SH3BGR: variants seen among roughly 807,000 people sequenced by gnomAD.
The protein encoded by SH3BGR is SH3 domain binding glutamate rich protein.
In SH3BGR, 29 loss-of-function variants were observed where a neutral mutation model predicts 24.5. That is an observed-to-expected ratio of 1.18 (90% CI 0.88 to 1.61). The LOEUF is 1.61. SH3BGR is among the 40% of genes most tolerant of loss of function. SH3BGR has a pLI of 0.00. For synonymous variants in SH3BGR, 55 were observed against 65.7 expected (o/e 0.84, Z 0.79); for missense variants, 162 against 205.8 (o/e 0.79, Z 1.30).
At chr21:39,491,252 C>T (rs1409762663) in intron 3 of SH3BGR, among the ~76,000 whole-genome samples, 3 of 151,804 alleles carry the variant, frequency 2.0e-5, no homozygotes, top group South Asian at 2.1e-4. Context: ...CAAGTACAAG[C>T]GATTCTCCTG....
At chr21:39,450,969 T>C (rs1167727361), upstream of SH3BGR, among the ~76,000 whole-genome samples, 1 of 151,902 alleles carries the variant, frequency 6.6e-6, no homozygotes, top group Admixed American at 6.6e-5. Flanking sequence ...CCTGCCAACA[T>C]GCCTGGCTGT....
At chr21:39,482,901 C>T (rs1337729133) in intron 3 of SH3BGR, among the ~76,000 whole-genome samples, 2 of 152,148 alleles carry the variant, frequency 1.3e-5, no homozygotes, top group Non-Finnish European at 2.9e-5. Context: ...AACTCCTGAC[C>T]TTAGGTAATC....
intron 2 of SH3BGR, among the ~76,000 whole-genome samples, chr21:39,469,004 A>T (rs1360875376): frequency 1.4e-5 from 2 of 144,084 alleles, no homozygotes; most frequent in Non-Finnish European, 3.0e-5. Context: ...AAATTCTAAG[A>T]TGTCTAGTTT....
At chr21:39,502,430 G>A (rs1432840050) in intron 4 of SH3BGR, among the ~76,000 whole-genome samples, 1 of 152,166 alleles carries the variant, frequency 6.6e-6, no homozygotes, top group Non-Finnish European at 1.5e-5. Context: ...TGCTCCTCTT[G>A]GCTTGCTGTG....
intron 3 of SH3BGR, among the ~76,000 whole-genome samples, chr21:39,497,404 A>G (rs1171974540): frequency 9.2e-5 from 14 of 151,822 alleles, no homozygotes; most frequent in Admixed American, 9.2e-4. Flanking sequence ...AGATATTAAT[A>G]ACAATATAAA....
chr21:39,498,516 G>C (rs930437162), intron 3 of SH3BGR, among the ~76,000 whole-genome samples: 1 of 152,178 alleles, frequency 6.6e-6, no homozygotes, highest in African/African-American at 2.4e-5. Context: ...GATTAAGGAT[G>C]AAGAGAAATA....
intron 3 of SH3BGR, chr21:39,488,463 A>G: frequency 3.9e-6 from 1 of 255,334 alleles, no homozygotes; most frequent in South Asian, 7.7e-5. Flanking sequence ...ACCAATGCCG[A>G]GGTGCTCCAG....
Position 39,511,702 on chromosome 21 carries a change from G to T in SH3BGR, c.458G>T (p.Gly153Val), listed in dbSNP as rs2078698614. ...TEETEEIAME[G>V]AEGEAEEEEE... ...AAGACGGAAGAAATAGCCATGGAGG[G>T]TGCGGAAGGGGAAGCCGAGGAGGAG... Residue 153 changes from glycine (G) to valine (V), a missense_variant, in exon 6 of 7, where the codon GGT becomes GTT. Transcript: ENST00000333634. The surrounding 1 kb of genome is among the most constrained non-coding windows in gnomAD (Gnocchi z 4.2). The T allele has an allele frequency of 6.2e-7, 1 of 1,610,880 alleles. No homozygotes were observed. The highest frequency in any genetic ancestry group is 8.5e-7 in the Non-Finnish European group (1 of 1,179,096).
intron 2 of SH3BGR, among the ~76,000 whole-genome samples, 157 bp downstream of exon 2, chr21:39,462,717 A>G (rs1336614050): frequency 1.3e-5 from 2 of 152,236 alleles, no homozygotes; most frequent in Non-Finnish European, 2.9e-5. Context: ...TCCATTATGA[A>G]TAATCAATAT....
chr21:39,458,504 ATT>A (rs1214278072), intron 1 of SH3BGR, among the ~76,000 whole-genome samples: 1 of 151,560 alleles, frequency 6.6e-6, no homozygotes. Flanking sequence ...CACCCAGCTA[ATT>A]TTTGTATTTT....
Position 39,462,735 on chromosome 21 carries a change from T to C in SH3BGR, c.231+175T>C, listed in dbSNP as rs1408329231. 2.0e-5 allele frequency among the ~76,000 whole-genome samples: 3 copies of C among 152,194 alleles called. No homozygotes were observed. The East Asian group carries it at 5.8e-4, about 29-fold the overall frequency. On this transcript the variant is annotated intron_variant, in intron 2 of 6. Transcript: ENST00000333634. ...ATTATGAATAATCAATATTTAAGATTTAGAAAAGGACAGAAACAATATCAT... is the reference window on the plus strand; with the variant it reads ...ATTATGAATAATCAATATTTAAGATCTAGAAAAGGACAGAAACAATATCAT...
At chr21:39,454,813 C>A (rs1325334336) in intron 1 of SH3BGR, among the ~76,000 whole-genome samples, 1 of 152,198 alleles carries the variant, frequency 6.6e-6, no homozygotes, top group Admixed American at 6.5e-5. Context: ...CAAATACCTA[C>A]CTAGATGGCC....
chr21:39,510,480 C>CTGTAGCTACACACACACACACACA (rs1569178203), intron 5 of SH3BGR, among the ~76,000 whole-genome samples: 1 of 143,848 alleles, frequency 7.0e-6, no homozygotes, highest in African/African-American at 2.6e-5. Flanking sequence ...CACACACACA[C>CTGTAGCTACACACACACACACACA]CCCATCAATT....
At chr21:39,478,833 C>CT (rs1381905730) in intron 3 of SH3BGR, among the ~76,000 whole-genome samples, 2 of 151,918 alleles carry the variant, frequency 1.3e-5, no homozygotes, top group African/African-American at 4.8e-5. Flanking sequence ...CTCAAAAGCT[C>CT]TTTTTTGTTG....
intron 1 of SH3BGR, among the ~76,000 whole-genome samples, chr21:39,452,578 GT>G (rs2077591667): frequency 6.6e-6 from 1 of 152,332 alleles, no homozygotes; most frequent in African/African-American, 2.4e-5. Flanking sequence ...GTAATCACTT[GT>G]ATATGCCATG....
intron 3 of SH3BGR, chr21:39,488,247 A>G: frequency 6.4e-6 from 1 of 155,484 alleles, no homozygotes; most frequent in Admixed American, 6.5e-5. Flanking sequence ...ATAATCCTTT[A>G]TGACAGGCTT....
chr21:39,456,481 A>G (rs1209066430), intron 1 of SH3BGR, among the ~76,000 whole-genome samples: 2 of 152,276 alleles, frequency 1.3e-5, no homozygotes, highest in Non-Finnish European at 1.5e-5. Context: ...ACAACCTGTC[A>G]TCAGGTCTGA....
intron 4 of SH3BGR, among the ~76,000 whole-genome samples, chr21:39,506,728 A>G (rs545242421): frequency 6.9e-4 from 105 of 152,268 alleles, no homozygotes; most frequent in Middle Eastern, 6.8e-3. Flanking sequence ...ACACGTGGTG[A>G]TGATTGCAAG....
chr21:39,509,950 T>TGAAATGACAAAATTCATGATC (rs1569177568), intron 5 of SH3BGR, among the ~76,000 whole-genome samples: 6 of 149,218 alleles, frequency 4.0e-5, no homozygotes, highest in African/African-American at 1.3e-4. Flanking sequence ...TGTTAACTTT[T>TGAAATGACAAAATTCATGATC]TTTTTTTTTT....
Sources: allele counts gnomAD v4.1 joint callset (sites outside exome capture counted in the v4.1 genomes callset), GRCh38; gene constraint gnomAD v4.1.1; non-coding constraint Gnocchi (gnomAD v3.1); transcripts MANE v1.5; gene names NCBI Gene and HGNC (gene_info 2026-07-23, HGNC 2026-07-21).